The following RIC8B variants were observed in gnomAD, a reference collection of about 807,000 sequenced individuals.
RIC8B encodes the protein chaperone Ric-8B.
Under a neutral mutation model 57.5 loss-of-function variants are expected in RIC8B, and 16 were observed. The observed-to-expected ratio is 0.28, with a 90% CI of 0.19 to 0.42. The LOEUF (loss-of-function observed/expected upper bound fraction) is 0.42, where lower values mean the gene tolerates loss of function less well. RIC8B is among the 10% of genes least tolerant of loss of function. The pLI is 1.00. For missense variants in RIC8B, 481 were observed against 677.0 expected (o/e 0.71, Z 3.21); for synonymous variants, 216 against 250.8 (o/e 0.86, Z 1.31).
intron 5 of RIC8B, 135 bp from the exon 6 acceptor site, chr12:106,843,717 C>G: frequency 1.7e-6 from 1 of 578,812 alleles, no homozygotes; most frequent in South Asian, 2.3e-5. Flanking sequence ...GGGAGACTCC[C>G]TCTCCCAAAA....
intron 9 of RIC8B, 113 bp from the exon 10 acceptor site, chr12:106,885,791 T>C (rs1052711258): frequency 4.7e-6 from 3 of 641,662 alleles, no homozygotes; most frequent in Non-Finnish European, 2.7e-6. Context: ...GAAAATACTT[T>C]GGTTTTTAAA....
chr12:106,861,774 A>G lies in RIC8B; in HGVS notation c.1451+1362A>G, dbSNP rs766961748. ...TTGATATCTCTTGATTTGAGTCATT[A>G]AAATACACCACTTGAGAAATTTCAT... On this transcript the variant is annotated intron_variant, in intron 8 of 9. Transcript: ENST00000392837. Among the ~76,000 whole-genome samples the G allele has an allele frequency of 1.5e-4, 23 of 152,218 alleles. No homozygotes were observed. The Middle Eastern group carries it at 0.01, about 68-fold the overall frequency.
At chr12:106,798,149 C>A in intron 2 of RIC8B, 1 of 579,720 alleles carries the variant, frequency 1.7e-6, no homozygotes. Flanking sequence ...TATCGTAGAT[C>A]TTTTTGATGC....
At chr12:106,858,416 C>T (rs781775377) in intron 7 of RIC8B, among the ~76,000 whole-genome samples, 2 of 152,038 alleles carry the variant, frequency 1.3e-5, no homozygotes, top group African/African-American at 4.8e-5. Flanking sequence ...TGCCTTCAGT[C>T]GCTTTGTGTC....
intron 9 of RIC8B, among the ~76,000 whole-genome samples, chr12:106,882,519 T>C (rs959497881): frequency 6.6e-6 from 1 of 152,154 alleles, no homozygotes; most frequent in Non-Finnish European, 1.5e-5. Context: ...ACATCTTCAC[T>C]AGTCAGTAGG....
chr12:106,858,957 C>A (rs935367098), intron 7 of RIC8B, among the ~76,000 whole-genome samples: 36 of 152,198 alleles, frequency 2.4e-4, no homozygotes, highest in Admixed American at 2.0e-3. Flanking sequence ...ACTTTTCTTA[C>A]CTATTTTCCT....
intron 7 of RIC8B, among the ~76,000 whole-genome samples, chr12:106,856,918 A>T (rs1444955960): frequency 6.6e-6 from 1 of 152,156 alleles, no homozygotes; most frequent in Non-Finnish European, 1.5e-5. Context: ...GGCAACCTGG[A>T]AGAGGGAATG....
chr12:106,862,133 C>T (rs959057891), intron 8 of RIC8B, among the ~76,000 whole-genome samples: 6 of 152,042 alleles, frequency 3.9e-5, no homozygotes, highest in Admixed American at 3.9e-4. Context: ...AGTTTCTGTA[C>T]TTAAGCCTTA....
intron 9 of RIC8B, among the ~76,000 whole-genome samples, chr12:106,875,780 TTTTG>T (rs1454280078): frequency 2.0e-5 from 3 of 152,214 alleles, no homozygotes; most frequent in African/African-American, 7.2e-5. Flanking sequence ...CCAATAAGTG[TTTTG>T]TTTTTTTTGT....
intron 3 of RIC8B, among the ~76,000 whole-genome samples, chr12:106,824,426 A>C (rs947689097): frequency 1.3e-5 from 2 of 152,176 alleles, no homozygotes; most frequent in Non-Finnish European, 2.9e-5. Context: ...ATGATGTTAT[A>C]TTTAAAATGT....
intron 2 of RIC8B, among the ~76,000 whole-genome samples, chr12:106,802,179 G>A (rs903246847): frequency 2.0e-5 from 3 of 152,158 alleles, no homozygotes; most frequent in African/African-American, 7.2e-5. Context: ...ATTGTGATTT[G>A]TAATGCATTC....
In RIC8B at chr12:106,831,904, G is replaced by A. The variant is rs1211613392; in HGVS notation, c.836+6084G>A. On this transcript the variant is annotated intron_variant, in intron 4 of 9. Transcript: ENST00000392837. ...AAGCAACACATTTGCATGGCATGGA[G>A]CCACTTCCTCCCTTTGCCTCCAGGA... 2.0e-5 allele frequency among the ~76,000 whole-genome samples: 3 copies of A among 152,276 alleles called. No individual in the cohort carries two copies. In the East Asian group the frequency reaches 5.8e-4, roughly 29 times the overall value.
rs114744849 is a variant in RIC8B, at chr12:106,784,362, A to C, written c.132+318A>C. 4.2e-3 allele frequency among the ~76,000 whole-genome samples: 636 copies of C among 152,240 alleles called. 2 individuals carry two copies. Among genetic ancestry groups the C allele is most frequent in the African/African-American group, 0.014 (582 of 41,540 alleles). On this transcript the variant is annotated intron_variant, in intron 2 of 9. Transcript: ENST00000392837. ...TAGTGGCAAGACTCCAGGTTGCCCA[A>C]AATCCATTGCTAATATTACAAAACT...
At chr12:106,851,675 C>T (rs1593307080) in intron 7 of RIC8B, 81 bp downstream of exon 7, 12 of 1,183,190 alleles carry the variant, frequency 1.0e-5, no homozygotes, top group Non-Finnish European at 1.2e-5. Context: ...TAGTACTGGT[C>T]GTCTCATTCC....
At chr12:106,836,973 C>T (rs903492114) in intron 4 of RIC8B, among the ~76,000 whole-genome samples, 2 of 152,236 alleles carry the variant, frequency 1.3e-5, no homozygotes, top group Non-Finnish European at 2.9e-5. Flanking sequence ...TCTTCTTCCT[C>T]TGATGCTCCT....
At chr12:106,778,179 C>T (rs2043577996) in intron 1 of RIC8B, among the ~76,000 whole-genome samples, 1 of 152,204 alleles carries the variant, frequency 6.6e-6, no homozygotes, top group African/African-American at 2.4e-5. Flanking sequence ...TGGGAATATG[C>T]TCCATTCTTC....
At chr12:106,885,272 T>C (rs2136690520) in intron 9 of RIC8B, among the ~76,000 whole-genome samples, 1 of 151,938 alleles carries the variant, frequency 6.6e-6, no homozygotes, top group Admixed American at 6.5e-5. Flanking sequence ...AATCCCATAA[T>C]TAAACTGCCA....
chr12:106,810,884 A>G (rs1180796522), intron 2 of RIC8B, among the ~76,000 whole-genome samples: 1 of 152,202 alleles, frequency 6.6e-6, no homozygotes, highest in Non-Finnish European at 1.5e-5. Flanking sequence ...ATCTCATTTA[A>G]TTCTTGCAGT....
At chr12:106,876,781 CTGTT>C (rs1950684774) in intron 9 of RIC8B, among the ~76,000 whole-genome samples, 2 of 152,108 alleles carry the variant, frequency 1.3e-5, no homozygotes, top group South Asian at 2.1e-4. Flanking sequence ...TCTCCACTGG[CTGTT>C]TGTTCTCTTA....
Sources: gnomAD v4.1 joint callset for allele counts (sites outside exome capture counted in the v4.1 genomes callset) on GRCh38, gnomAD v4.1.1 for gene constraint, MANE v1.5 for transcripts, NCBI Gene and HGNC (gene_info 2026-07-23, HGNC 2026-07-21) for gene names.